Variants in PDE1A observed in about 807,000 individuals in gnomAD.
PDE1A encodes phosphodiesterase 1A, also known as dual specificity calcium/calmodulin-dependent 3',5'-cyclic nucleotide phosphodiesterase 1A.
Under a neutral mutation model 61.7 loss-of-function variants are expected in PDE1A, and 35 were observed. That is an observed-to-expected ratio of 0.57 (90% CI 0.43 to 0.75). PDE1A has a LOEUF of 0.75. Ranked by LOEUF, PDE1A falls within the 30% of genes least tolerant of loss-of-function variation. The probability of loss-of-function intolerance (pLI) is 0.00; values close to 1 mark genes in which losing one functional copy is unlikely to be tolerated. For missense variants in PDE1A, 597 were observed against 630.6 expected (o/e 0.95, Z 0.57); for synonymous variants, 232 against 213.2 (o/e 1.09, Z -0.77).
chr2:182,167,586 C>CA (rs1420121753), downstream of PDE1A, among the ~76,000 whole-genome samples: 2 of 152,064 alleles, frequency 1.3e-5, no homozygotes, highest in Non-Finnish European at 2.9e-5. Flanking sequence ...CTCTGTGAGG[C>CA]ATAAAAACCC....
At chr2:182,658,073 C>CAAACAA in the PDE1A span, among the ~76,000 whole-genome samples, 1 of 119,568 alleles carries the variant, frequency 8.4e-6, no homozygotes. Flanking sequence ...AAAAAAAAAA[C>CAAACAA]AAAAAAACTT....
chr2:182,248,619 C>A (rs186090175), intron 2 of PDE1A, among the ~76,000 whole-genome samples: 1 of 152,102 alleles, frequency 6.6e-6, no homozygotes, highest in Non-Finnish European at 1.5e-5. Flanking sequence ...AAGAAGGAGG[C>A]GGCCACGGAA....
intron 1 of PDE1A, among the ~76,000 whole-genome samples, chr2:182,348,342 G>C (rs988392595): frequency 1.3e-4 from 20 of 152,072 alleles, no homozygotes; most frequent in African/African-American, 4.8e-4. Context: ...ATGCTTAAGA[G>C]AAAAGTGGTA....
chr2:182,214,618 C>G (rs371233948), intron 7 of PDE1A, among the ~76,000 whole-genome samples: 21 of 148,910 alleles, frequency 1.4e-4, no homozygotes, highest in South Asian at 1.1e-3. Flanking sequence ...TGCAATCCTA[C>G]TCTCTGATAA....
upstream of PDE1A, among the ~76,000 whole-genome samples, chr2:182,527,078 A>G (rs116158476): frequency 0.02 from 3,037 of 150,546 alleles, 55 homozygotes; most frequent in Non-Finnish European, 0.031. Flanking sequence ...ATTCAGGAAA[A>G]GGAAGTAAAA....
At position 182,295,057 on chromosome 2, in the gene PDE1A, C is replaced by CTTTTTTTTTTTTTTTTTTTTTTTT. The variant is rs11420821; in HGVS notation, c.54-30667_54-30644dup. Among the ~76,000 whole-genome samples the CTTTTTTTTTTTTTTTTTTTTTTTT allele has an allele frequency of 5.1e-5, 3 of 59,350 alleles. 1 individual carries two copies. Among genetic ancestry groups the CTTTTTTTTTTTTTTTTTTTTTTTT allele is most frequent in the African/African-American group, 6.5e-5 (1 of 15,478 alleles). 38.9% of individuals were successfully genotyped at this position (59,350 alleles called of 152,430 possible). ...ACGACCAATCAAAATAAAAGGTAATCTTTTTTTTTTTTTTTTTTTTTTTTT... is the reference window on the plus strand; with the variant it reads ...ACGACCAATCAAAATAAAAGGTAATCTTTTTTTTTTTTTTTTTTTTTTTTTTTTTTTTTTTTTTTTTTTTTTTTT... On this transcript the variant is annotated intron_variant, in intron 1 of 13. Coordinates refer to ENST00000351439, the Ensembl canonical transcript of PDE1A.
At chr2:182,217,773 G>C (rs1252647175) in intron 7 of PDE1A, among the ~76,000 whole-genome samples, 1 of 147,770 alleles carries the variant, frequency 6.8e-6, no homozygotes. Flanking sequence ...GAAACAACAG[G>C]TGCTGGAGAG....
chr2:182,489,125 A>C (rs1688214635), intron 2 of PDE1A, among the ~76,000 whole-genome samples: 1 of 152,204 alleles, frequency 6.6e-6, no homozygotes. Flanking sequence ...GTTGAGCCCT[A>C]AAGGAGGTGA....
the PDE1A span, among the ~76,000 whole-genome samples, chr2:182,635,947 ATTTTTTTTTTTTTT>A: frequency 2.0e-4 from 11 of 55,284 alleles, no homozygotes; most frequent in African/African-American, 4.1e-4. Flanking sequence ...TCTCACCGGT[ATTTTTTTTTTTTTT>A]TTTTTTTTTT....
the PDE1A span, among the ~76,000 whole-genome samples, chr2:182,579,570 T>G: frequency 6.6e-6 from 1 of 152,218 alleles, no homozygotes; most frequent in African/African-American, 2.4e-5. Flanking sequence ...TGGCATGGTC[T>G]GCAGCAGCTT....
At chr2:182,158,496 A>G (rs1425074338) in intron 13 of PDE1A, among the ~76,000 whole-genome samples, 1 of 152,216 alleles carries the variant, frequency 6.6e-6, no homozygotes, top group Admixed American at 6.5e-5. Flanking sequence ...ACATGCCTTC[A>G]TATTTTATAG....
downstream of PDE1A, among the ~76,000 whole-genome samples, chr2:182,165,251 G>A (rs1486434719): frequency 6.6e-6 from 1 of 152,024 alleles, no homozygotes; most frequent in South Asian, 2.1e-4. Flanking sequence ...CACTGTTTCT[G>A]CAACATTATG....
chr2:182,628,083 A>AT, the PDE1A span, among the ~76,000 whole-genome samples: 1 of 151,468 alleles, frequency 6.6e-6, no homozygotes, highest in Admixed American at 6.6e-5. Context: ...CACAGTTTGC[A>AT]TTTTTTTACC....
chr2:182,328,546 T>G (rs1191829570), intron 1 of PDE1A, among the ~76,000 whole-genome samples: 1 of 152,118 alleles, frequency 6.6e-6, no homozygotes, highest in Non-Finnish European at 1.5e-5. Flanking sequence ...TGATCAAGAA[T>G]TTTTGGAGTT....
At chr2:182,526,940 CT>C (rs767770230), upstream of PDE1A, among the ~76,000 whole-genome samples, 365 of 151,342 alleles carry the variant, frequency 2.4e-3, 3 homozygotes, top group African/African-American at 8.0e-3. Context: ...TCATTAGTTA[CT>C]TTTTTTTCTT....
chr2:182,239,291 C>T (rs1316542956), intron 3 of PDE1A, among the ~76,000 whole-genome samples: 1 of 152,084 alleles, frequency 6.6e-6, no homozygotes, highest in Non-Finnish European at 1.5e-5. Flanking sequence ...CTCTGTTTCT[C>T]AACTTTATTA....
At chr2:182,390,046 T>C (rs1479707060) in intron 1 of PDE1A, among the ~76,000 whole-genome samples, 3 of 152,162 alleles carry the variant, frequency 2.0e-5, no homozygotes, top group Non-Finnish European at 2.9e-5. Flanking sequence ...ACTGGCTTTC[T>C]TGCTCCTGAG....
At chr2:182,495,854 C>T (rs374531163) in intron 2 of PDE1A, among the ~76,000 whole-genome samples, 43 of 152,182 alleles carry the variant, frequency 2.8e-4, no homozygotes, top group African/African-American at 9.9e-4. Flanking sequence ...ATTTAAATCC[C>T]ACTCTATAGT....
chr2:182,580,175 T>C, the PDE1A span, among the ~76,000 whole-genome samples: 1 of 152,194 alleles, frequency 6.6e-6, no homozygotes, highest in Non-Finnish European at 1.5e-5. Flanking sequence ...GCCAAAATGG[T>C]ATATTGACGT....
Sources: gnomAD v4.1 joint callset for allele counts (sites outside exome capture counted in the v4.1 genomes callset) on GRCh38, gnomAD v4.1.1 for gene constraint, MANE v1.5 for transcripts, NCBI Gene and HGNC (gene_info 2026-07-23, HGNC 2026-07-21) for gene names.